Variants in TDP1 observed in about 807,000 individuals in gnomAD.
TDP1 encodes tyr-DNA phosphodiesterase 1.
TDP1 carries 64 observed loss-of-function variants against 81.5 expected under a neutral mutation model. That is an observed-to-expected ratio of 0.79 (90% CI 0.64 to 0.97). TDP1 has a LOEUF of 0.97. Ranked by LOEUF, TDP1 falls within the 50% of genes least tolerant of loss-of-function variation. The pLI is 0.00. For missense variants in TDP1, 723 were observed against 743.8 expected, an observed-to-expected ratio of 0.97 and a Z score of 0.33; for synonymous variants, 256 against 264.3, an observed-to-expected ratio of 0.97 and a Z score of 0.30.
chr14:90,032,017 A>G (rs1420968362), intron 15 of TDP1, among the ~76,000 whole-genome samples: 4 of 152,228 alleles, frequency 2.6e-5, no homozygotes, highest in Non-Finnish European at 5.9e-5. Flanking sequence ...TGTATACTCC[A>G]TGAGGACAAG....
At chr14:90,033,448 A>G (rs2140324083) in intron 16 of TDP1, 1 of 574,036 alleles carries the variant, frequency 1.7e-6, no homozygotes, top group Non-Finnish European at 3.2e-6. Flanking sequence ...CACTGGGGCT[A>G]CATGCTGATA....
intron 5 of TDP1, among the ~76,000 whole-genome samples, chr14:89,969,907 C>G (rs34086909): frequency 8.0e-6 from 1 of 124,870 alleles, no homozygotes; most frequent in African/African-American, 3.0e-5. Flanking sequence ...GGCGGAGTCT[C>G]GCTCTGTCGC....
intron 14 of TDP1, among the ~76,000 whole-genome samples, chr14:90,014,119 C>G (rs79733311): frequency 0.039 from 5,873 of 152,220 alleles, 378 homozygotes; most frequent in African/African-American, 0.13. Flanking sequence ...TTAATAGATA[C>G]TATCCACCCA....
rs189090402 is a variant in TDP1, at chr14:90,026,567, C to T, written c.1645-6539C>T. Reference sequence around the variant, plus strand: ...TGTTGGTGTGCTGCACCCATTAACTCATCATTTACATTAGGTATATCTCCT... The same window carrying T: ...TGTTGGTGTGCTGCACCCATTAACTTATCATTTACATTAGGTATATCTCCT... On this transcript the variant is annotated intron_variant, in intron 15 of 16. Transcript: ENST00000335725. Among the ~76,000 whole-genome samples the T allele has an allele frequency of 3.8e-3, 584 of 152,208 alleles. 2 individuals carry two copies. The highest frequency in any genetic ancestry group is 0.014 in the African/African-American group (564 of 41,532).
Position 89,971,157 on chromosome 14 carries a change from C to G in TDP1, c.660-18C>G. The G allele has an allele frequency of 6.2e-7, 1 of 1,605,376 alleles. No individual in the cohort carries two copies. Among genetic ancestry groups the G allele is most frequent in the Non-Finnish European group, 8.5e-7 (1 of 1,172,498 alleles). On this transcript the variant is annotated intron_variant, in intron 5 of 16. Transcript: ENST00000335725. ...GGCCATGAATGATGTATATTAAATA[C>G]TAATGCTCTCTTTTTAGGAAGAAGC...
intron 2 of TDP1, among the ~76,000 whole-genome samples, chr14:89,961,823 T>A (rs1892360307): frequency 6.6e-6 from 1 of 152,242 alleles, no homozygotes; most frequent in East Asian, 1.9e-4. Context: ...AGTGTCACCA[T>A]CTTGGTTTAC....
At chr14:90,039,479 A>C (rs1001045771) in intron 16 of TDP1, among the ~76,000 whole-genome samples, 1 of 152,194 alleles carries the variant, frequency 6.6e-6, no homozygotes, top group Admixed American at 6.5e-5. Flanking sequence ...AGACAGTGAC[A>C]GTGGCTTCTG....
chr14:89,974,619 C>G (rs1894050553), intron 6 of TDP1, among the ~76,000 whole-genome samples: 1 of 152,134 alleles, frequency 6.6e-6, no homozygotes, highest in African/African-American at 2.4e-5. Context: ...TAGTGATTGC[C>G]ACGATTATAG....
chr14:90,003,594 A>AG (rs1472276537), intron 14 of TDP1, among the ~76,000 whole-genome samples: 4 of 152,342 alleles, frequency 2.6e-5, no homozygotes, highest in Admixed American at 6.5e-5. Context: ...CTAAGAGGAT[A>AG]GTGCCTAGGT....
intron 5 of TDP1, among the ~76,000 whole-genome samples, chr14:89,970,070 G>A (rs553312802): frequency 2.0e-5 from 3 of 151,520 alleles, no homozygotes; most frequent in Non-Finnish European, 2.9e-5. Flanking sequence ...TAGAGACGGG[G>A]TTTCACCGTT....
At chr14:89,995,392 GC>G (rs11310221) in intron 14 of TDP1, among the ~76,000 whole-genome samples, 31,408 of 152,102 alleles carry the variant, frequency 0.21, 7,912 homozygotes, top group African/African-American at 0.6. Flanking sequence ...ACTGTCTGAT[GC>G]CCCCTCTTAA....
chr14:89,988,631 G>C (rs1243861620), intron 10 of TDP1: 11 of 980,874 alleles, frequency 1.1e-5, no homozygotes, highest in African/African-American at 1.7e-5. Context: ...TCTGAAATGG[G>C]CCTTTTTAAA....
rs543354253 is a variant in TDP1, at chr14:90,035,733, C to CT, written c.1753+2534dup. Among the ~76,000 whole-genome samples the CT allele has an allele frequency of 9.8e-3, 1,356 of 139,024 alleles. 16 individuals are homozygous for CT. Among genetic ancestry groups the CT allele is most frequent in the African/African-American group, 0.023 (829 of 35,942 alleles). 91.2% of individuals were successfully genotyped at this position (139,024 alleles called of 152,430 possible). On this transcript the variant is annotated intron_variant, in intron 16 of 16. Coordinates refer to ENST00000335725, the MANE Select transcript of TDP1 (RefSeq NM_018319.4). Reference sequence around the variant, plus strand: ...TCTGTTCTTCAGGTTCCTTTTCTTCCTTTTTTTTTTTTTTTAACCCAAGTT... The same window carrying CT: ...TCTGTTCTTCAGGTTCCTTTTCTTCCTTTTTTTTTTTTTTTTAACCCAAGTT...
Position 89,984,599 on chromosome 14 carries a change from T to C in TDP1, c.968T>C (p.Leu323Pro). 1.9e-6 allele frequency: 3 copies of C among 1,614,096 alleles called. No homozygotes were observed. The highest frequency in any genetic ancestry group is 2.5e-6 in the Non-Finnish European group (3 of 1,179,982). The change falls in exon 9 of 17, where the codon CTC becomes CCC. Residue 323 changes from leucine (L) to proline (P), a missense_variant. Leu to Pro is a moderately conservative substitution (Grantham distance 98). Transcript: ENST00000335725. ...TCGCCAACACATTTTAAAGCTGATC[T>C]CATCAGTTACTTGATGGCTTATAAT... ...GESPTHFKAD[L>P]ISYLMAYNAP...
rs750064988 is a variant in TDP1, at chr14:90,043,989, C to A, written c.*846C>A. 5 of 152,332 alleles carry A rather than the reference C, an allele frequency of 3.3e-5. No individual in the cohort carries two copies. The highest frequency in any genetic ancestry group is 7.3e-5 in the Non-Finnish European group (5 of 68,066). The allele number at this position is 152,332 out of a possible 1,614,324, so 9.4% of individuals were successfully genotyped here. A position where few individuals can be genotyped will look rare whatever the true frequency, so the allele number is the denominator to read the frequency against. On this transcript the variant is annotated 3_prime_UTR_variant, in exon 17 of 17. Transcript: ENST00000335725. ...GTGATCCTAGGATCTGTCTCTGAGA[C>A]CAATGTGCTGTTTCAGCCCCCTGCA...
At chr14:90,037,222 A>T (rs1488138049) in intron 16 of TDP1, among the ~76,000 whole-genome samples, 1 of 152,170 alleles carries the variant, frequency 6.6e-6, no homozygotes, top group African/African-American at 2.4e-5. Flanking sequence ...AGCAAAATAG[A>T]CTGGTGTGTA....
At chr14:90,028,295 T>G (rs1459860168) in intron 15 of TDP1, among the ~76,000 whole-genome samples, 1 of 152,244 alleles carries the variant, frequency 6.6e-6, no homozygotes, top group Admixed American at 6.5e-5. Context: ...CAGGAAAGCC[T>G]GATGCCTTGT....
At chr14:89,970,451 A>G (rs1241665873) in intron 5 of TDP1, among the ~76,000 whole-genome samples, 1 of 152,116 alleles carries the variant, frequency 6.6e-6, no homozygotes, top group African/African-American at 2.4e-5. Context: ...GTGAATATAG[A>G]TGTGGTGTGA....
chr14:89,968,984 T>C (rs1440564015), intron 5 of TDP1, among the ~76,000 whole-genome samples: 2 of 152,182 alleles, frequency 1.3e-5, no homozygotes, highest in Non-Finnish European at 2.9e-5. Context: ...AGTGTCCTTA[T>C]AAAAAGAGAA....
Sources: allele counts gnomAD v4.1 joint callset (sites outside exome capture counted in the v4.1 genomes callset), GRCh38; gene constraint gnomAD v4.1.1; transcripts MANE v1.5; gene names NCBI Gene and HGNC (gene_info 2026-07-23, HGNC 2026-07-21).